KCNJ6: variants seen among roughly 807,000 people sequenced by gnomAD.
KCNJ6 encodes G protein-activated inward rectifier potassium channel 2.
A neutral mutation model predicts 34.2 loss-of-function variants in KCNJ6; 9 were observed. That is an observed-to-expected ratio of 0.26 (90% CI 0.16 to 0.46). The LOEUF is 0.46. KCNJ6 is among the 20% of genes least tolerant of loss of function. The probability of loss-of-function intolerance (pLI) is 1.00; values close to 1 mark genes in which losing one functional copy is unlikely to be tolerated. For synonymous variants in KCNJ6, 196 were observed against 207.1 expected, an observed-to-expected ratio of 0.95 and a Z score of 0.46; for missense variants, 236 against 531.3, an observed-to-expected ratio of 0.44 and a Z score of 5.46.
chr21:37,708,682 C>T (rs1179134184), intron 3 of KCNJ6, among the ~76,000 whole-genome samples: 1 of 152,190 alleles, frequency 6.6e-6, no homozygotes, highest in Non-Finnish European at 1.5e-5. Flanking sequence ...CACCAATTAA[C>T]TCTTTTCCCA....
At chr21:37,720,987 GT>G (rs1350634423) in intron 2 of KCNJ6, among the ~76,000 whole-genome samples, 1 of 152,060 alleles carries the variant, frequency 6.6e-6, no homozygotes, top group African/African-American at 2.4e-5. Flanking sequence ...GATTACAGGC[GT>G]GAGCCACCGC....
intron 2 of KCNJ6, among the ~76,000 whole-genome samples, chr21:37,781,556 A>G (rs540473612): frequency 2.7e-4 from 41 of 152,330 alleles, no homozygotes; most frequent in African/African-American, 9.9e-4. Flanking sequence ...TATGATGATG[A>G]GGAACATGAT....
At position 37,715,040 on chromosome 21, in the gene KCNJ6, G is replaced by A. The variant is rs753442500; in HGVS notation, c.117C>T (p.Asp39=). 6.2e-7 allele frequency: 1 copy of A among 1,614,042 alleles called. No homozygotes were observed. Among genetic ancestry groups the A allele is most frequent in the Non-Finnish European group, 8.5e-7 (1 of 1,180,040 alleles). ...GATCTCGGCTGATGTGTCTTGGCAG[G>A]TCATCCCTGGCCTGCTTAGGCAACT... ...QPKLPKQARD[D]LPRHISRDRT... The change falls in exon 3 of 4, where the codon GAC becomes GAT. Residue 39 remains aspartate (D), a synonymous_variant. Coordinates refer to ENST00000609713, the MANE Select transcript of KCNJ6 (RefSeq NM_002240.5).
At chr21:37,674,091 A>G (rs2123410752) in intron 3 of KCNJ6, among the ~76,000 whole-genome samples, 1 of 152,304 alleles carries the variant, frequency 6.6e-6, no homozygotes, top group African/African-American at 2.4e-5. Flanking sequence ...GAACCTTCAG[A>G]TCCCTGAAAT....
At chr21:37,870,398 T>C (rs543240524) in intron 1 of KCNJ6, among the ~76,000 whole-genome samples, 2 of 152,268 alleles carry the variant, frequency 1.3e-5, no homozygotes, top group South Asian at 4.1e-4. Flanking sequence ...AAGCTCAGTA[T>C]TTCTCTCTTT....
intron 2 of KCNJ6, among the ~76,000 whole-genome samples, chr21:37,771,318 C>T (rs1268861477): frequency 6.6e-6 from 1 of 152,110 alleles, no homozygotes; most frequent in African/African-American, 2.4e-5. Context: ...GACCTGAATC[C>T]TTAAAAGCAG....
chr21:37,699,875 G>A (rs1182296797), intron 3 of KCNJ6, among the ~76,000 whole-genome samples: 1 of 152,174 alleles, frequency 6.6e-6, no homozygotes, highest in Non-Finnish European at 1.5e-5. Context: ...AGTAAAATGT[G>A]TCTTTAATTT....
intron 2 of KCNJ6, among the ~76,000 whole-genome samples, chr21:37,811,945 C>T (rs996564674): frequency 3.6e-4 from 55 of 152,162 alleles, no homozygotes; most frequent in African/African-American, 1.2e-3. Context: ...ATAAAGCCAT[C>T]CCAAAAAGAT....
At chr21:37,816,583 G>T (rs912975064) in intron 2 of KCNJ6, among the ~76,000 whole-genome samples, 2 of 152,236 alleles carry the variant, frequency 1.3e-5, no homozygotes, top group African/African-American at 4.8e-5. Flanking sequence ...GCTGGAAAAG[G>T]TTGGGCATTG....
chr21:37,853,861 T>A (rs939505265), intron 1 of KCNJ6, among the ~76,000 whole-genome samples: 22 of 146,720 alleles, frequency 1.5e-4, no homozygotes, highest in Non-Finnish European at 1.8e-4. Context: ...TATATATATA[T>A]AAATTACATT....
chr21:37,636,910 A>G (rs2054360526), intron 3 of KCNJ6, among the ~76,000 whole-genome samples: 1 of 152,244 alleles, frequency 6.6e-6, no homozygotes, highest in African/African-American at 2.4e-5. Context: ...CAATAAAATT[A>G]GATGGATACA....
chr21:37,751,584 A>G (rs1187188813), intron 2 of KCNJ6, among the ~76,000 whole-genome samples: 4 of 152,140 alleles, frequency 2.6e-5, no homozygotes, highest in African/African-American at 9.7e-5. Flanking sequence ...GCTGTAAGAA[A>G]CTCAGTTGTC....
chr21:37,703,895 G>A lies in KCNJ6; in HGVS notation c.946+10316C>T, dbSNP rs574848004. 2.6e-5 allele frequency among the ~76,000 whole-genome samples: 4 copies of A among 152,374 alleles called. No individual in the cohort carries two copies. In the South Asian group the frequency reaches 8.3e-4, roughly 32 times the overall value. On this transcript the variant is annotated intron_variant, in intron 3 of 3. Coordinates refer to ENST00000609713, the MANE Select transcript of KCNJ6 (RefSeq NM_002240.5). ...GTCGGGGATGAGAAATCCAGCCACA[G>A]GTGAGGCTTTTGCTAATTCATCCAC...
chr21:37,641,574 G>C (rs1355236603), intron 3 of KCNJ6, among the ~76,000 whole-genome samples: 1 of 152,130 alleles, frequency 6.6e-6, no homozygotes, highest in Non-Finnish European at 1.5e-5. Flanking sequence ...TTTGAAGGAT[G>C]GATAAGGCAA....
At chr21:37,676,518 G>C (rs76270508) in intron 3 of KCNJ6, among the ~76,000 whole-genome samples, 1 of 152,214 alleles carries the variant, frequency 6.6e-6, no homozygotes, top group Non-Finnish European at 1.5e-5. Context: ...GTGGGTGGGC[G>C]TATGAGGTGC....
chr21:37,852,019 G>A (rs2055540295), intron 1 of KCNJ6, among the ~76,000 whole-genome samples: 1 of 152,082 alleles, frequency 6.6e-6, no homozygotes, highest in African/African-American at 2.4e-5. Context: ...CAAAGACCTA[G>A]GAGAGAGGTA....
At chr21:37,626,130 C>CTT (rs10649366) in intron 3 of KCNJ6, among the ~76,000 whole-genome samples, 41,228 of 142,966 alleles carry the variant, frequency 0.29, 6,195 homozygotes, top group East Asian at 0.35. Context: ...TTTCCCCCTT[C>CTT]TTTTTTTTTT....
intron 2 of KCNJ6, among the ~76,000 whole-genome samples, chr21:37,828,910 C>T (rs1276122375): frequency 6.6e-6 from 1 of 152,228 alleles, no homozygotes; most frequent in Non-Finnish European, 1.5e-5. Context: ...CACATCTGGG[C>T]ATCTCTTCCA....
chr21:37,849,102 G>T (rs1301167140), intron 1 of KCNJ6, among the ~76,000 whole-genome samples: 1 of 152,188 alleles, frequency 6.6e-6, no homozygotes, highest in East Asian at 1.9e-4. Flanking sequence ...CACTGAGGAT[G>T]TCCAGGTAAC....
Sources: allele counts gnomAD v4.1 joint callset (sites outside exome capture counted in the v4.1 genomes callset), GRCh38; gene constraint gnomAD v4.1.1; transcripts MANE v1.5; gene names NCBI Gene and HGNC (gene_info 2026-07-23, HGNC 2026-07-21).